LRRTM3: variants seen among roughly 807,000 people sequenced by gnomAD.
LRRTM3 encodes the protein leucine rich repeat transmembrane neuronal 3.
Under a neutral mutation model 44.7 loss-of-function variants are expected in LRRTM3, and 24 were observed. That is an observed-to-expected ratio of 0.54 (90% CI 0.39 to 0.76). The LOEUF (loss-of-function observed/expected upper bound fraction) is 0.76, where lower values mean the gene tolerates loss of function less well. LRRTM3 is among the 30% of genes least tolerant of loss of function. The pLI is 0.00. For synonymous variants in LRRTM3, 277 were observed against 278.7 expected, an observed-to-expected ratio of 0.99 and a Z score of 0.06; for missense variants, 587 against 702.2, an observed-to-expected ratio of 0.84 and a Z score of 1.85.
intron 2 of LRRTM3, among the ~76,000 whole-genome samples, chr10:67,053,967 T>C (rs555205541): frequency 5.9e-5 from 9 of 151,902 alleles, no homozygotes; most frequent in Admixed American, 3.9e-4. Context: ...ATGTCATCCA[T>C]ATATCTTAGG....
intron 2 of LRRTM3, among the ~76,000 whole-genome samples, chr10:67,041,215 T>G (rs1355753939): frequency 6.6e-6 from 1 of 152,062 alleles, no homozygotes; most frequent in Non-Finnish European, 1.5e-5. Context: ...CTTGTCAGAA[T>G]AGATTTTCTG....
chr10:66,947,553 T>C (rs1848337702), intron 2 of LRRTM3, among the ~76,000 whole-genome samples: 1 of 152,124 alleles, frequency 6.6e-6, no homozygotes, highest in Admixed American at 6.5e-5. Context: ...TCTCCCCTGC[T>C]GAAAATATAA....
At chr10:66,980,180 C>T (rs1008607836) in intron 2 of LRRTM3, among the ~76,000 whole-genome samples, 8 of 152,132 alleles carry the variant, frequency 5.3e-5, no homozygotes, top group Non-Finnish European at 8.8e-5. Flanking sequence ...ATGTCAGGTG[C>T]TTTAACTGAC....
At chr10:66,944,826 T>C (rs1211788405) in intron 2 of LRRTM3, among the ~76,000 whole-genome samples, 4 of 152,216 alleles carry the variant, frequency 2.6e-5, no homozygotes, top group African/African-American at 7.2e-5. Flanking sequence ...TCCATGTATA[T>C]GTCCATCAGA....
chr10:66,945,914 T>A (rs939679631), intron 2 of LRRTM3, among the ~76,000 whole-genome samples: 10 of 152,146 alleles, frequency 6.6e-5, no homozygotes, highest in African/African-American at 1.4e-4. Context: ...TTTGTCAGAT[T>A]CTATGGTTGT....
intron 2 of LRRTM3, among the ~76,000 whole-genome samples, chr10:66,993,421 AAAAAGTACCTG>A (rs1207518348): frequency 6.6e-6 from 1 of 152,182 alleles, no homozygotes; most frequent in Non-Finnish European, 1.5e-5. Flanking sequence ...TCACTTTGCT[AAAAAGTACCTG>A]GGAAGGAAAA....
chr10:67,026,424 T>A (rs1289133029), intron 2 of LRRTM3, among the ~76,000 whole-genome samples: 1 of 152,030 alleles, frequency 6.6e-6, no homozygotes, highest in East Asian at 1.9e-4. Context: ...TAATGAATTG[T>A]ATTAAATACT....
Position 66,972,169 on chromosome 10 carries a change from A to G in LRRTM3, c.1536+43717A>G, listed in dbSNP as rs141260023. 3.3e-3 allele frequency among the ~76,000 whole-genome samples: 505 copies of G among 152,250 alleles called. 6 individuals are homozygous for G. Among genetic ancestry groups the G allele is most frequent in the East Asian group, 7.2e-3 (37 of 5,168 alleles). On this transcript the variant is annotated intron_variant, in intron 2 of 2. Transcript: ENST00000361320. ...CAAATTAACAACATATAGTCAATTTATTGTGGTTTTCCAGTTTCACTGGAA... is the reference window on the plus strand; with the variant it reads ...CAAATTAACAACATATAGTCAATTTGTTGTGGTTTTCCAGTTTCACTGGAA...
At chr10:67,091,201 T>C (rs916040995) in intron 2 of LRRTM3, among the ~76,000 whole-genome samples, 1 of 152,066 alleles carries the variant, frequency 6.6e-6, no homozygotes, top group African/African-American at 2.4e-5. Context: ...AAGCTAGTTA[T>C]GAAAATCAGC....
chr10:67,032,036 T>G (rs1853757358), intron 2 of LRRTM3, among the ~76,000 whole-genome samples: 1 of 152,232 alleles, frequency 6.6e-6, no homozygotes, highest in African/African-American at 2.4e-5. Context: ...ATAATTTGTC[T>G]GCCTTCTTTT....
At chr10:67,011,429 G>GAA (rs34842168) in intron 2 of LRRTM3, among the ~76,000 whole-genome samples, 4 of 151,492 alleles carry the variant, frequency 2.6e-5, no homozygotes, top group Non-Finnish European at 4.4e-5. Context: ...AATTGCTAGT[G>GAA]AAAAAACAGA....
At chr10:67,073,393 C>G (rs1452275558) in intron 2 of LRRTM3, among the ~76,000 whole-genome samples, 1 of 151,974 alleles carries the variant, frequency 6.6e-6, no homozygotes, top group Admixed American at 6.6e-5. Flanking sequence ...TTAAGATTAT[C>G]TCCCTTAAAT....
At chr10:67,092,536 T>C (rs1404620619) in intron 2 of LRRTM3, among the ~76,000 whole-genome samples, 1 of 151,998 alleles carries the variant, frequency 6.6e-6, no homozygotes, top group Non-Finnish European at 1.5e-5. Flanking sequence ...TGAATGTTCA[T>C]ATATATACAA....
At chr10:67,071,722 C>G (rs967682438) in intron 2 of LRRTM3, among the ~76,000 whole-genome samples, 21 of 152,250 alleles carry the variant, frequency 1.4e-4, no homozygotes, top group Middle Eastern at 3.4e-3. Context: ...TCTCTCCTCT[C>G]CTTTGGGACT....
At chr10:67,043,293 T>C (rs1406528689) in intron 2 of LRRTM3, among the ~76,000 whole-genome samples, 1 of 152,102 alleles carries the variant, frequency 6.6e-6, no homozygotes. Flanking sequence ...ACATCATTCA[T>C]ATATTCTCTG....
chr10:66,983,348 A>G (rs1850553703), intron 2 of LRRTM3, among the ~76,000 whole-genome samples: 1 of 152,240 alleles, frequency 6.6e-6, no homozygotes, highest in East Asian at 1.9e-4. Flanking sequence ...TCTCCCTGGT[A>G]TCTGAAGCAG....
chr10:67,016,023 G>A, intron 2 of LRRTM3, among the ~76,000 whole-genome samples: 1 of 133,754 alleles, frequency 7.5e-6, no homozygotes, highest in South Asian at 2.4e-4. Flanking sequence ...TTTTATTGCT[G>A]TATACTCTCT....
At chr10:67,058,883 T>C (rs1855594112) in intron 2 of LRRTM3, among the ~76,000 whole-genome samples, 1 of 152,160 alleles carries the variant, frequency 6.6e-6, no homozygotes, top group African/African-American at 2.4e-5. Context: ...AGATACTTAG[T>C]ATGACTACAC....
chr10:67,063,392 A>T (rs1017443511), intron 2 of LRRTM3, among the ~76,000 whole-genome samples: 2 of 152,222 alleles, frequency 1.3e-5, no homozygotes, highest in Non-Finnish European at 2.9e-5. Flanking sequence ...ATATGCCTTT[A>T]AAAAGTTAGG....
Sources: gnomAD v4.1 joint callset for allele counts (sites outside exome capture counted in the v4.1 genomes callset) on GRCh38, gnomAD v4.1.1 for gene constraint, MANE v1.5 for transcripts, NCBI Gene and HGNC (gene_info 2026-07-23, HGNC 2026-07-21) for gene names.